The following SMG6 variants were observed in gnomAD, a reference collection of about 807,000 sequenced individuals.
SMG6 encodes SMG6 nonsense mediated mRNA decay factor.
Under a neutral mutation model 142.2 loss-of-function variants are expected in SMG6, and 66 were observed. The ratio of observed to expected loss-of-function variants is 0.46; its 90% confidence interval spans 0.38 to 0.57. The LOEUF is 0.57. Ranked by LOEUF, SMG6 falls within the 20% of genes least tolerant of loss-of-function variation. The pLI is 0.00. For synonymous variants in SMG6, 779 were observed against 702.4 expected (o/e 1.11, Z -1.72); for missense variants, 1,793 against 1,832.0 (o/e 0.98, Z 0.39).
intron 15 of SMG6, among the ~76,000 whole-genome samples, chr17:2,073,283 C>G (rs879662763): frequency 3.3e-5 from 5 of 152,026 alleles, no homozygotes; most frequent in Non-Finnish European, 5.9e-5. Flanking sequence ...GGGGTTTCAC[C>G]ATGTTGGCCA....
chr17:2,264,838 G>T (rs555622649), intron 8 of SMG6, among the ~76,000 whole-genome samples: 1 of 151,694 alleles, frequency 6.6e-6, no homozygotes, highest in South Asian at 2.1e-4. Context: ...GGAGGCGAAG[G>T]TTGCAGTGAG....
Position 2,061,418 on chromosome 17 carries a change from C to T in SMG6, c.*74G>A, listed in dbSNP as rs1235826844. 1 of 1,453,784 alleles carries T rather than the reference C, an allele frequency of 6.9e-7. No homozygotes were observed. The highest frequency in any genetic ancestry group is 1.4e-5 in the African/African-American group (1 of 70,736). 90.1% of individuals were successfully genotyped at this position (1,453,784 alleles called of 1,614,324 possible). A position where few individuals can be genotyped will look rare whatever the true frequency, so the allele number is the denominator to read the frequency against. ...ATTGGTGGCTCAGGCACGTGGGCAT[C>T]TTCCGTGCTACACTGGGCGCCTGGT... On this transcript the variant is annotated 3_prime_UTR_variant, in exon 19 of 19. Transcript: ENST00000263073.
chr17:2,114,141 A>G (rs961161378), intron 13 of SMG6, among the ~76,000 whole-genome samples: 3 of 152,102 alleles, frequency 2.0e-5, no homozygotes, highest in African/African-American at 7.2e-5. Flanking sequence ...ACGGTGGCGC[A>G]TGCCTGTAAT....
intron 4 of SMG6, among the ~76,000 whole-genome samples, chr17:2,294,685 G>C (rs1424677690): frequency 2.0e-5 from 3 of 152,076 alleles, no homozygotes; most frequent in African/African-American, 7.3e-5. Context: ...TTAAAACTAG[G>C]TTAACCCTTT....
chr17:2,249,662 C>T (rs562048305), intron 8 of SMG6, among the ~76,000 whole-genome samples: 2 of 152,268 alleles, frequency 1.3e-5, no homozygotes, highest in East Asian at 1.9e-4. Flanking sequence ...AGATGGTTCT[C>T]GGTCAGGTGG....
chr17:2,135,837 T>C (rs892819015), intron 13 of SMG6, among the ~76,000 whole-genome samples: 4 of 151,870 alleles, frequency 2.6e-5, no homozygotes, highest in Non-Finnish European at 5.9e-5. Flanking sequence ...CTACAGGCGC[T>C]ACCACCATGC....
rs147459312 is a variant in SMG6, at chr17:2,066,310, ATGTG to A, written c.3836-635_3836-632del. ...TGTGTCTGTGTGCGTGTGTACATGT[ATGTG>A]TGTGTGTACATGTGTGTATGTGTAT... On this transcript the variant is annotated intron_variant, in intron 16 of 18. Coordinates refer to ENST00000263073, the MANE Select transcript of SMG6 (RefSeq NM_017575.5). Among the ~76,000 whole-genome samples the A allele has an allele frequency of 3.2e-4, 47 of 147,866 alleles. No individual in the cohort carries two copies. The South Asian group carries it at 4.9e-3, about 15-fold the overall frequency.
At chr17:2,276,856 A>G (rs1597766026) in intron 8 of SMG6, among the ~76,000 whole-genome samples, 2 of 151,986 alleles carry the variant, frequency 1.3e-5, no homozygotes, top group Non-Finnish European at 2.9e-5. Flanking sequence ...ATCTCGGCTC[A>G]CCGCAACCTC....
chr17:2,238,138 C>T (rs2073713791), intron 9 of SMG6, among the ~76,000 whole-genome samples: 1 of 152,208 alleles, frequency 6.6e-6, no homozygotes, highest in African/African-American at 2.4e-5. Flanking sequence ...TTTCTAGAAT[C>T]TTGGCAATCT....
At chr17:2,113,801 C>T (rs770213864) in intron 13 of SMG6, among the ~76,000 whole-genome samples, 2 of 152,158 alleles carry the variant, frequency 1.3e-5, no homozygotes, top group African/African-American at 2.4e-5. Context: ...CATGAAATCA[C>T]TAAATTATCT....
chr17:2,077,037 T>A lies in SMG6; in HGVS notation c.3681+4773A>T, dbSNP rs116580740. On this transcript the variant is annotated intron_variant, in intron 15 of 18. Coordinates refer to ENST00000263073, the MANE Select transcript of SMG6 (RefSeq NM_017575.5). Reference sequence around the variant, plus strand: ...CTAAACACCAAGCTCCAGAAGCGGATGGATCCTGGCAGCATGTGCTCCCTC... The same window carrying A: ...CTAAACACCAAGCTCCAGAAGCGGAAGGATCCTGGCAGCATGTGCTCCCTC... Among the ~76,000 whole-genome samples the A allele has an allele frequency of 2.1e-3, 314 of 152,310 alleles. 4 individuals carry two copies. The highest frequency in any genetic ancestry group is 7.2e-3 in the African/African-American group (298 of 41,570).
chr17:2,174,981 T>G (rs2071614499), intron 12 of SMG6, among the ~76,000 whole-genome samples: 1 of 152,006 alleles, frequency 6.6e-6, no homozygotes, highest in African/African-American at 2.4e-5. Context: ...ACAGCCCTGA[T>G]AGTTTATCCT....
intron 10 of SMG6, among the ~76,000 whole-genome samples, chr17:2,210,968 A>G (rs1368845560): frequency 6.6e-6 from 1 of 152,000 alleles, no homozygotes; most frequent in East Asian, 1.9e-4. Flanking sequence ...TTTCAAGAGC[A>G]TTCCCAAGGA....
intron 6 of SMG6, among the ~76,000 whole-genome samples, chr17:2,285,216 AC>A (rs1327924854): frequency 6.6e-6 from 1 of 152,144 alleles, no homozygotes; most frequent in African/African-American, 2.4e-5. Flanking sequence ...GAAAAGCACT[AC>A]TGTACACGTG....
intron 12 of SMG6, among the ~76,000 whole-genome samples, chr17:2,181,528 T>C (rs952578062): frequency 6.6e-6 from 1 of 152,252 alleles, no homozygotes; most frequent in Non-Finnish European, 1.5e-5. Flanking sequence ...TAGCCCGGAC[T>C]GGCTTCACGA....
chr17:2,262,138 G>A (rs531852795), intron 8 of SMG6, among the ~76,000 whole-genome samples: 1 of 152,230 alleles, frequency 6.6e-6, no homozygotes, highest in South Asian at 2.1e-4. Context: ...TTTCCCATAC[G>A]CATCAGGAGC....
At chr17:2,164,279 C>T (rs1023628098) in intron 13 of SMG6, among the ~76,000 whole-genome samples, 1 of 150,982 alleles carries the variant, frequency 6.6e-6, no homozygotes, top group African/African-American at 2.4e-5. Flanking sequence ...AAAAATTAGC[C>T]GGGCATGGTG....
At position 2,175,300 on chromosome 17, in the gene SMG6, G is replaced by A. The variant is rs371467951; in HGVS notation, c.3156-2441C>T. 5.9e-5 allele frequency among the ~76,000 whole-genome samples: 9 copies of A among 152,316 alleles called. No individual in the cohort carries two copies. The East Asian group carries it at 9.6e-4, about 16-fold the overall frequency. On this transcript the variant is annotated intron_variant, in intron 12 of 18. Coordinates refer to ENST00000263073, the MANE Select transcript of SMG6 (RefSeq NM_017575.5). ...TTGGCTTGGGGGCCCTGGTTGGTGC[G>A]TGCAGGTCAAGGCTGCTGCAGGACA...
intron 18 of SMG6, among the ~76,000 whole-genome samples, chr17:2,064,238 G>A (rs2067871581): frequency 6.6e-6 from 1 of 152,114 alleles, no homozygotes; most frequent in Admixed American, 6.5e-5. Context: ...CTCTGCAGAT[G>A]ACACAGAGCT....
Sources: gnomAD v4.1 joint callset for allele counts (sites outside exome capture counted in the v4.1 genomes callset) on GRCh38, gnomAD v4.1.1 for gene constraint, MANE v1.5 for transcripts, NCBI Gene and HGNC (gene_info 2026-07-23, HGNC 2026-07-21) for gene names.